CAST: variants seen among roughly 807,000 people sequenced by gnomAD.
CAST encodes calpastatin.
CAST carries 76 observed loss-of-function variants against 119.6 expected under a neutral mutation model. The observed-to-expected ratio is 0.64, with a 90% CI of 0.53 to 0.77. The LOEUF (loss-of-function observed/expected upper bound fraction) is 0.77, where lower values mean the gene tolerates loss of function less well. Ranked by LOEUF, CAST falls within the 30% of genes least tolerant of loss-of-function variation. The probability of loss-of-function intolerance (pLI) is 0.00; values close to 1 mark genes in which losing one functional copy is unlikely to be tolerated. For synonymous variants in CAST, 319 were observed against 331.6 expected (o/e 0.96, Z 0.41); for missense variants, 953 against 946.5 (o/e 1.01, Z -0.09).
the CAST span, among the ~76,000 whole-genome samples, chr5:96,031,148 A>G: frequency 1.3e-5 from 2 of 151,636 alleles, no homozygotes; most frequent in Admixed American, 1.3e-4. Context: ...TTCCTTGGAA[A>G]TATTTTATAT....
the CAST span, among the ~76,000 whole-genome samples, chr5:96,427,227 G>A: frequency 1.3e-5 from 2 of 152,128 alleles, no homozygotes; most frequent in Non-Finnish European, 2.9e-5. Flanking sequence ...TTTGGAAATG[G>A]GATATAAGAG....
the CAST span, among the ~76,000 whole-genome samples, chr5:96,101,612 C>T: frequency 6.6e-6 from 1 of 152,168 alleles, no homozygotes. Context: ...TTCTTGATCC[C>T]TTTGTCAGAC....
At chr5:96,179,908 G>A in the CAST span, among the ~76,000 whole-genome samples, 1 of 152,056 alleles carries the variant, frequency 6.6e-6, no homozygotes, top group Non-Finnish European at 1.5e-5. Flanking sequence ...GTGGTGGCGG[G>A]TGCCATAGTC....
the CAST span, among the ~76,000 whole-genome samples, chr5:96,506,007 T>C: frequency 6.6e-6 from 1 of 152,176 alleles, no homozygotes; most frequent in Admixed American, 6.5e-5. Flanking sequence ...AAAGAAGAGA[T>C]TTTTCCAATT....
chr5:96,044,737 A>G, the CAST span, among the ~76,000 whole-genome samples: 1 of 152,212 alleles, frequency 6.6e-6, no homozygotes, highest in Admixed American at 6.5e-5. Flanking sequence ...CAAAATGGAT[A>G]AATAAATGGT....
At chr5:96,661,390 A>C (rs1748435774), upstream of CAST, among the ~76,000 whole-genome samples, 1 of 137,246 alleles carries the variant, frequency 7.3e-6, no homozygotes. Context: ...GCGCCACTGC[A>C]CTCCAGACAG....
At chr5:96,264,214 G>A in the CAST span, among the ~76,000 whole-genome samples, 1 of 152,302 alleles carries the variant, frequency 6.6e-6, no homozygotes, top group East Asian at 1.9e-4. Flanking sequence ...ACAAATTAGA[G>A]GGAGTCTTAG....
the CAST span, among the ~76,000 whole-genome samples, chr5:96,091,208 T>C: frequency 4.8e-5 from 7 of 146,954 alleles, no homozygotes; most frequent in Non-Finnish European, 7.6e-5. Flanking sequence ...ATCTCTCTCT[T>C]TTTTTTTTTT....
chr5:96,364,819 C>T, the CAST span, among the ~76,000 whole-genome samples: 4 of 152,224 alleles, frequency 2.6e-5, no homozygotes, highest in East Asian at 5.8e-4. Flanking sequence ...GTGTCTCTGT[C>T]TCCATCAGTT....
At chr5:96,408,981 G>A in the CAST span, among the ~76,000 whole-genome samples, 927 of 152,228 alleles carry the variant, frequency 6.1e-3, 9 homozygotes, top group African/African-American at 0.021. Context: ...ATTTGTCCTC[G>A]GGCAAGTCAT....
At chr5:96,409,575 T>A in the CAST span, among the ~76,000 whole-genome samples, 1 of 152,238 alleles carries the variant, frequency 6.6e-6, no homozygotes, top group South Asian at 2.1e-4. Flanking sequence ...TTCTTCTGCT[T>A]CAGTGCAGGT....
At chr5:96,588,089 T>C (rs1173467887) in intron 1 of CAST, among the ~76,000 whole-genome samples, 1 of 152,044 alleles carries the variant, frequency 6.6e-6, no homozygotes, top group Non-Finnish European at 1.5e-5. Context: ...AAAGGAATAA[T>C]AGTTTCTAGG....
chr5:96,137,082 C>A, the CAST span, among the ~76,000 whole-genome samples: 1 of 152,092 alleles, frequency 6.6e-6, no homozygotes, highest in African/African-American at 2.4e-5. Flanking sequence ...TTAAGGTTTA[C>A]CCTTTGTGCT....
the CAST span, among the ~76,000 whole-genome samples, chr5:95,965,779 A>T: frequency 2.0e-5 from 3 of 152,240 alleles, no homozygotes; most frequent in Non-Finnish European, 4.4e-5. Flanking sequence ...TAGTTTTAAA[A>T]GTACTTCAGC....
At chr5:96,423,271 G>A in the CAST span, 1 of 1,577,450 alleles carries the variant, frequency 6.3e-7, no homozygotes, top group Non-Finnish European at 8.6e-7. Context: ...TGTCTGCACA[G>A]ACAGCTCCCT....
chr5:96,704,293 T>C (rs749721434), intron 3 of CAST, among the ~76,000 whole-genome samples: 15 of 152,256 alleles, frequency 9.9e-5, no homozygotes, highest in Non-Finnish European at 1.9e-4. Context: ...TAGTTGATTA[T>C]ATAGAATTAG....
the CAST span, among the ~76,000 whole-genome samples, chr5:96,104,158 C>T: frequency 7.5e-4 from 114 of 152,120 alleles, no homozygotes; most frequent in African/African-American, 2.4e-3. Flanking sequence ...GAGTAGGTTG[C>T]GAAAATTTTC....
chr5:96,619,694 C>A (rs538044316), intron 1 of CAST, among the ~76,000 whole-genome samples: 24 of 152,302 alleles, frequency 1.6e-4, no homozygotes, highest in African/African-American at 5.8e-4. Context: ...CAACTCCGAA[C>A]GCATCCAAAC....
At chr5:96,195,112 A>G in the CAST span, among the ~76,000 whole-genome samples, 1 of 152,236 alleles carries the variant, frequency 6.6e-6, no homozygotes, top group South Asian at 2.1e-4. Flanking sequence ...TATTTGAAGA[A>G]GTTGCTGGCA....
Sources: allele counts gnomAD v4.1 joint callset (sites outside exome capture counted in the v4.1 genomes callset), GRCh38; gene constraint gnomAD v4.1.1; transcripts MANE v1.5; gene names NCBI Gene and HGNC (gene_info 2026-07-23, HGNC 2026-07-21).